The following CDS2 variants were observed in gnomAD, a reference collection of about 807,000 sequenced individuals.
The protein encoded by CDS2 is phosphatidate cytidylyltransferase 2.
Under a neutral mutation model 59.0 loss-of-function variants are expected in CDS2, and 47 were observed. The observed-to-expected ratio is 0.80, with a 90% CI of 0.63 to 1.02. CDS2 has a LOEUF of 1.02. Ranked by LOEUF, CDS2 falls within the 50% of genes least tolerant of loss-of-function variation. The pLI, the probability that CDS2 is intolerant of heterozygous loss-of-function variation, is 0.00. For synonymous variants in CDS2, 207 were observed against 206.4 expected (o/e 1.00, Z -0.02); for missense variants, 356 against 558.9 (o/e 0.64, Z 3.66).
At chr20:5,142,335 T>C (rs985063720) in intron 1 of CDS2, among the ~76,000 whole-genome samples, 1 of 152,014 alleles carries the variant, frequency 6.6e-6, no homozygotes, top group African/African-American at 2.4e-5. Context: ...TAATCCCAGC[T>C]GCTCGGGAGG....
chr20:5,136,176 C>A (rs892154887), intron 1 of CDS2, among the ~76,000 whole-genome samples: 2 of 152,086 alleles, frequency 1.3e-5, no homozygotes, highest in Non-Finnish European at 1.5e-5. Flanking sequence ...CCATGCCTGG[C>A]TAGTCCTGTG....
intron 1 of CDS2, among the ~76,000 whole-genome samples, chr20:5,134,312 G>A (rs961160489): frequency 6.6e-6 from 1 of 152,152 alleles, no homozygotes; most frequent in Non-Finnish European, 1.5e-5. Context: ...AGTATTCAAC[G>A]CTTCTCTTTA....
At chr20:5,154,236 C>G (rs1048009728) in intron 1 of CDS2, among the ~76,000 whole-genome samples, 1 of 152,202 alleles carries the variant, frequency 6.6e-6, no homozygotes, top group Non-Finnish European at 1.5e-5. Context: ...GAAACTTTTT[C>G]CCCAGTTGCC....
intron 1 of CDS2, among the ~76,000 whole-genome samples, chr20:5,144,852 T>A (rs2090726838): frequency 6.6e-6 from 1 of 152,184 alleles, no homozygotes; most frequent in Non-Finnish European, 1.5e-5. Flanking sequence ...CTTTCCCCTC[T>A]GGCTTGCAGA....
intron 1 of CDS2, among the ~76,000 whole-genome samples, chr20:5,137,126 A>G (rs772107009): frequency 1.6e-4 from 24 of 151,382 alleles, no homozygotes; most frequent in Non-Finnish European, 3.1e-4. Context: ...ATTCTTTTTT[A>G]TGTAGCCTTC....
chr20:5,185,896 T>A, intron 9 of CDS2, 70 bp downstream of exon 9: 1 of 1,425,524 alleles, frequency 7.0e-7, no homozygotes. Context: ...CCAAGGCCTG[T>A]CCAGAGCTGG....
At chr20:5,166,457 A>C (rs2090914437) in intron 1 of CDS2, among the ~76,000 whole-genome samples, 1 of 152,040 alleles carries the variant, frequency 6.6e-6, no homozygotes, top group African/African-American at 2.4e-5. Flanking sequence ...ATTTGGATTT[A>C]GGGTCTGTAG....
At chr20:5,145,068 C>T (rs974300216) in intron 1 of CDS2, among the ~76,000 whole-genome samples, 1 of 151,692 alleles carries the variant, frequency 6.6e-6, no homozygotes, top group African/African-American at 2.4e-5. Context: ...GGCAGAATAA[C>T]CAAAATAAGC....
intron 1 of CDS2, among the ~76,000 whole-genome samples, chr20:5,148,504 C>G (rs1037959638): frequency 6.6e-6 from 1 of 152,220 alleles, no homozygotes; most frequent in Non-Finnish European, 1.5e-5. Context: ...GACTGGTAGG[C>G]TGGCCAGATG....
intron 1 of CDS2, chr20:5,128,756 T>C (rs2083919): frequency 0.22 from 33,650 of 152,054 alleles, 6,665 homozygotes; most frequent in African/African-American, 0.53. Flanking sequence ...AGTTGGTGAG[T>C]ATGCAGATGT....
At chr20:5,146,881 T>G (rs938456384) in intron 1 of CDS2, among the ~76,000 whole-genome samples, 1 of 152,230 alleles carries the variant, frequency 6.6e-6, no homozygotes. Context: ...TCTCTTGCCC[T>G]TCTACCTTCC....
intron 1 of CDS2, among the ~76,000 whole-genome samples, chr20:5,159,915 T>C (rs2090864170): frequency 6.6e-6 from 1 of 152,216 alleles, no homozygotes; most frequent in Non-Finnish European, 1.5e-5. Flanking sequence ...CTGACACATT[T>C]TTAAAAATGA....
intron 1 of CDS2, among the ~76,000 whole-genome samples, chr20:5,142,068 G>A (rs557779351): frequency 1.3e-5 from 2 of 152,288 alleles, no homozygotes; most frequent in African/African-American, 2.4e-5. Context: ...TAATTCCAGC[G>A]CTCTAAAGGC....
chr20:5,161,113 T>C (rs1051238101), intron 1 of CDS2, among the ~76,000 whole-genome samples: 1 of 152,202 alleles, frequency 6.6e-6, no homozygotes, highest in African/African-American at 2.4e-5. Flanking sequence ...ATTTGATTTT[T>C]TGAGGAACTG....
rs149031288 is a variant in CDS2, at chr20:5,142,306, G to A, written c.57+15157G>A. On this transcript the variant is annotated intron_variant, in intron 1 of 12. Transcript: ENST00000460006. ...TACTAAAAATAGAAAAATTAGCCTG[G>A]CATGATGGTGCATGCCTGTAATCCC... 5.0e-3 allele frequency among the ~76,000 whole-genome samples: 768 copies of A among 152,216 alleles called. 8 individuals carry two copies. Among genetic ancestry groups the A allele is most frequent in the African/African-American group, 0.018 (746 of 41,530 alleles).
chr20:5,187,196 G>A (rs1369477364), intron 10 of CDS2: 5 of 239,148 alleles, frequency 2.1e-5, no homozygotes, highest in Admixed American at 9.1e-5. Context: ...GTGATACGGC[G>A]CAAAAGCAGC....
rs2091013686 is a variant in CDS2 at position 5,178,941 on chromosome 20, ACT to A, written c.519_520del (p.Tyr174SerfsTer46). The stretch of plus-strand genomic sequence containing the variant: ...TAAATACCACCGGTTCATTTCCTTT[ACT>A]CTCTATCTAATAGGTATGCATTAAG... ...LSKYHRFISFTLYLIGFCMFV... is the reference protein window; with the variant it reads ...LSKYHRFISFXLYLIGFCMFV... On this transcript the variant is annotated frameshift_variant, in exon 5 of 13. Coordinates refer to ENST00000460006, the MANE Select transcript of CDS2 (RefSeq NM_003818.4). LOFTEE classifies it high-confidence loss of function. 6.2e-7 allele frequency: 1 copy of A among 1,613,652 alleles called. No individual in the cohort carries two copies. Among genetic ancestry groups the A allele is most frequent in the Admixed American group, 1.7e-5 (1 of 59,974 alleles).
intron 10 of CDS2, 37 bp downstream of exon 10, chr20:5,186,876 G>T: frequency 6.2e-7 from 1 of 1,610,846 alleles, no homozygotes; most frequent in South Asian, 1.1e-5. Flanking sequence ...GGCCTCCATG[G>T]ACAGTGGCTA....
At chr20:5,171,233 A>T (rs2090953948) in intron 1 of CDS2, among the ~76,000 whole-genome samples, 1 of 152,202 alleles carries the variant, frequency 6.6e-6, no homozygotes, top group African/African-American at 2.4e-5. Flanking sequence ...CCCTCGCAGG[A>T]CGCTGCCTGG....
Sources: allele counts gnomAD v4.1 joint callset (sites outside exome capture counted in the v4.1 genomes callset), GRCh38; gene constraint gnomAD v4.1.1; transcripts MANE v1.5; gene names NCBI Gene and HGNC (gene_info 2026-07-23, HGNC 2026-07-21).